Variants in STAU1 observed in about 807,000 individuals in gnomAD.
STAU1 encodes the protein double-stranded RNA-binding protein Staufen homolog 1.
In STAU1, 13 loss-of-function variants were observed where a neutral mutation model predicts 62.9. The observed-to-expected ratio is 0.21, with a 90% CI of 0.13 to 0.33. The LOEUF (loss-of-function observed/expected upper bound fraction) is 0.33. Among genes scored for constraint, STAU1 ranks in the 10% least tolerant of loss-of-function variants. STAU1 has a pLI of 1.00. For missense variants in STAU1, 571 were observed against 712.1 expected (o/e 0.80, Z 2.25); for synonymous variants, 269 against 265.1 (o/e 1.01, Z -0.14).
intron 8 of STAU1, 132 bp downstream of exon 8, chr20:49,122,960 T>C: frequency 2.7e-6 from 2 of 748,202 alleles, no homozygotes; most frequent in Non-Finnish European, 3.8e-6. Context: ...TAAATAAGGA[T>C]CACAGTCGCT....
the STAU1 span, among the ~76,000 whole-genome samples, chr20:49,216,051 A>G: frequency 8.1e-5 from 12 of 147,686 alleles, no homozygotes; most frequent in South Asian, 4.3e-4. Context: ...AGAAGAAGAA[A>G]AAAAAAGAAG....
chr20:49,172,970 C>G (rs141483696), intron 2 of STAU1, among the ~76,000 whole-genome samples: 1,776 of 141,488 alleles, frequency 0.013, 40 homozygotes, highest in African/African-American at 0.042. Flanking sequence ...CTCTGCCTCC[C>G]GGGTTCACGC....
At chr20:49,181,766 C>CAAAAAAAAAAAAAAA (rs758956478) in intron 1 of STAU1, among the ~76,000 whole-genome samples, 1 of 24,520 alleles carries the variant, frequency 4.1e-5, no homozygotes, top group East Asian at 9.1e-4. Context: ...ACTATCTCAA[C>CAAAAAAAAAAAAAAA]AAAAAAAAAA....
chr20:49,141,139 T>C (rs921348084), intron 5 of STAU1, among the ~76,000 whole-genome samples: 3 of 152,256 alleles, frequency 2.0e-5, no homozygotes, highest in African/African-American at 2.4e-5. Flanking sequence ...GTTTTGTTCA[T>C]TGTATCAGCC....
intron 1 of STAU1, among the ~76,000 whole-genome samples, chr20:49,181,048 G>A (rs1428417420): frequency 6.6e-6 from 1 of 152,182 alleles, no homozygotes; most frequent in African/African-American, 2.4e-5. Flanking sequence ...AGGACTCTGA[G>A]CCAGTTATCT....
chr20:49,200,462 G>A, the STAU1 span, among the ~76,000 whole-genome samples: 8 of 152,164 alleles, frequency 5.3e-5, no homozygotes, highest in African/African-American at 1.7e-4. Flanking sequence ...TTAGCTGGGC[G>A]TGGTGGCGGG....
intron 5 of STAU1, among the ~76,000 whole-genome samples, chr20:49,147,299 C>G (rs1293853534): frequency 6.6e-6 from 1 of 152,202 alleles, no homozygotes; most frequent in African/African-American, 2.4e-5. Flanking sequence ...AGGGATGGCG[C>G]TGACTGTTTC....
At chr20:49,213,993 C>T in the STAU1 span, among the ~76,000 whole-genome samples, 1 of 151,992 alleles carries the variant, frequency 6.6e-6, no homozygotes, top group Admixed American at 6.6e-5. Context: ...GGGTGGGTCA[C>T]CTGGGTCAGG....
chr20:49,216,161 T>C, the STAU1 span, among the ~76,000 whole-genome samples: 1 of 151,106 alleles, frequency 6.6e-6, no homozygotes, highest in Non-Finnish European at 1.5e-5. Context: ...AGGCTGAGGC[T>C]GGAGGATCAC....
Position 49,181,659 on chromosome 20 carries a change from G to A in STAU1, c.-160+6457C>T, listed in dbSNP as rs62210459. Among the ~76,000 whole-genome samples the A allele has an allele frequency of 8.7e-3, 1,310 of 150,556 alleles. 13 individuals carry two copies. The highest frequency in any genetic ancestry group is 0.012 in the Admixed American group (183 of 14,990). Reference sequence around the variant, plus strand: ...TGCTCAATTGTAGTCTCAGCTACTCGGGAGGCTAAGGCAGGAGAATTGCTT... The same window carrying A: ...TGCTCAATTGTAGTCTCAGCTACTCAGGAGGCTAAGGCAGGAGAATTGCTT... On this transcript the variant is annotated intron_variant, in intron 1 of 13. Transcript: ENST00000371856.
In STAU1 at chr20:49,124,515, C is replaced by G; in HGVS notation, c.682G>C (p.Glu228Gln). ...TKVSVGEFVG[E>Q]GEGKSKKISK... is the part of the protein sequence containing the mutation. ...ATCTTCTTGCTTTTCCCTTCACCTT[C>G]CCCCACAAACTCCCCAACCGAAACC... The change falls in exon 7 of 14, where the codon GAA (glutamate) becomes CAA (glutamine). Residue 228 changes from glutamate (E) to glutamine (Q), a missense_variant. Physicochemically the swap from Glu to Gln is conservative, Grantham distance 29. Transcript: ENST00000371856. 6.2e-7 allele frequency: 1 copy of G among 1,614,094 alleles called. No homozygotes were observed. Among genetic ancestry groups the G allele is most frequent in the South Asian group, 1.1e-5 (1 of 91,080 alleles).
At chr20:49,166,508 G>A (rs1340805190) in intron 2 of STAU1, among the ~76,000 whole-genome samples, 1 of 152,128 alleles carries the variant, frequency 6.6e-6, no homozygotes, top group Non-Finnish European at 1.5e-5. Flanking sequence ...CAATACCTGT[G>A]TGCTCTGCAT....
At chr20:49,116,198 C>T (rs1031097004) in intron 12 of STAU1, among the ~76,000 whole-genome samples, 2 of 152,278 alleles carry the variant, frequency 1.3e-5, no homozygotes, top group South Asian at 4.1e-4. Context: ...CAGGGTCTCA[C>T]TAAGTTGCCC....
At chr20:49,139,580 G>C (rs909000680) in intron 5 of STAU1, among the ~76,000 whole-genome samples, 1 of 151,084 alleles carries the variant, frequency 6.6e-6, no homozygotes, top group African/African-American at 2.4e-5. Flanking sequence ...CAAAAAACTA[G>C]CCGGGTGTGG....
upstream of STAU1, among the ~76,000 whole-genome samples, chr20:49,190,892 T>C (rs181862059): frequency 1.5e-4 from 21 of 142,284 alleles, no homozygotes; most frequent in East Asian, 4.2e-3. Context: ...ATAAAAGCCC[T>C]GTGAGATGCT....
intron 5 of STAU1, among the ~76,000 whole-genome samples, chr20:49,136,299 T>TC (rs1437515052): frequency 6.6e-6 from 1 of 151,838 alleles, no homozygotes; most frequent in Non-Finnish European, 1.5e-5. Context: ...CGAGACGCTG[T>TC]CCCCCACAAA....
At chr20:49,118,248 A>C (rs1342837176) in intron 10 of STAU1, 85 bp downstream of exon 10, 1 of 1,422,218 alleles carries the variant, frequency 7.0e-7, no homozygotes, top group Non-Finnish European at 9.9e-7. Context: ...GCGGGACCTC[A>C]CTGGCTGGGC....
chr20:49,216,505 G>A, the STAU1 span, among the ~76,000 whole-genome samples: 1 of 151,926 alleles, frequency 6.6e-6, no homozygotes, highest in African/African-American at 2.4e-5. Context: ...TCCAGCCTGG[G>A]CGACAAAGTG....
chr20:49,203,188 C>T, the STAU1 span, among the ~76,000 whole-genome samples: 2 of 151,868 alleles, frequency 1.3e-5, no homozygotes, highest in Non-Finnish European at 2.9e-5. Flanking sequence ...ACTTTAGGAG[C>T]CCGAGGCGGG....
Sources: gnomAD v4.1 joint callset for allele counts (sites outside exome capture counted in the v4.1 genomes callset) on GRCh38, gnomAD v4.1.1 for gene constraint, MANE v1.5 for transcripts, NCBI Gene and HGNC (gene_info 2026-07-23, HGNC 2026-07-21) for gene names.